The following SUCLG2 variants were observed in gnomAD, a reference collection of about 807,000 sequenced individuals.
SUCLG2 encodes the protein succinate--CoA ligase [GDP-forming] subunit beta, mitochondrial.
A neutral mutation model predicts 47.9 loss-of-function variants in SUCLG2; 42 were observed. The observed-to-expected ratio is 0.88, with a 90% CI of 0.69 to 1.14. The LOEUF (loss-of-function observed/expected upper bound fraction) is 1.14. Ranked by LOEUF, SUCLG2 falls within the 50% of genes most tolerant of loss-of-function variation. The pLI is 0.00. For synonymous variants in SUCLG2, 195 were observed against 197.3 expected (o/e 0.99, Z 0.10); for missense variants, 571 against 525.9 (o/e 1.09, Z -0.84).
intron 6 of SUCLG2, among the ~76,000 whole-genome samples, chr3:67,509,206 A>G (rs1415954423): frequency 6.6e-6 from 1 of 152,238 alleles, no homozygotes; most frequent in Non-Finnish European, 1.5e-5. Flanking sequence ...GTTATGCTGC[A>G]ATATAAATTA....
intron 7 of SUCLG2, among the ~76,000 whole-genome samples, chr3:67,502,109 A>T (rs1190857953): frequency 3.3e-5 from 5 of 151,458 alleles, no homozygotes; most frequent in Non-Finnish European, 7.4e-5. Flanking sequence ...GATAAGACTG[A>T]CCCCTTAACC....
At chr3:67,606,201 T>C (rs1306242150) in intron 2 of SUCLG2, among the ~76,000 whole-genome samples, 1 of 152,120 alleles carries the variant, frequency 6.6e-6, no homozygotes. Context: ...TGAGACCCTG[T>C]CTCTAAAAGA....
At chr3:67,429,152 G>GA (rs1194196503) in intron 9 of SUCLG2, among the ~76,000 whole-genome samples, 1 of 152,122 alleles carries the variant, frequency 6.6e-6, no homozygotes, top group African/African-American at 2.4e-5. Context: ...ATAATTATCA[G>GA]ATTCACCAAA....
At chr3:67,581,025 T>C (rs1707866042) in intron 2 of SUCLG2, among the ~76,000 whole-genome samples, 1 of 152,190 alleles carries the variant, frequency 6.6e-6, no homozygotes, top group Non-Finnish European at 1.5e-5. Flanking sequence ...GGATCCTCCC[T>C]CTCTGGTACC....
At chr3:67,400,997 C>A in intron 9 of SUCLG2, 146 bp from the exon 10 acceptor site, 2 of 1,146,890 alleles carry the variant, frequency 1.7e-6, no homozygotes, top group Non-Finnish European at 2.4e-6. Flanking sequence ...CAAAAATGGC[C>A]CAGAACATGT....
chr3:67,625,864 A>G (rs1700816923), intron 1 of SUCLG2, among the ~76,000 whole-genome samples: 2 of 151,802 alleles, frequency 1.3e-5, no homozygotes, highest in Non-Finnish European at 2.9e-5. Flanking sequence ...CCAAGCTGCT[A>G]TATTCATAGC....
At chr3:67,446,931 T>C (rs1333413822) in intron 9 of SUCLG2, among the ~76,000 whole-genome samples, 1 of 152,216 alleles carries the variant, frequency 6.6e-6, no homozygotes, top group African/African-American at 2.4e-5. Flanking sequence ...CTTAATAAGA[T>C]GCAAATTTTT....
intron 2 of SUCLG2, among the ~76,000 whole-genome samples, chr3:67,579,363 T>C (rs938095403): frequency 3.9e-5 from 6 of 152,324 alleles, no homozygotes; most frequent in African/African-American, 1.2e-4. Flanking sequence ...CAAGTGCTCA[T>C]AGAGCTTTGT....
intron 10 of SUCLG2, among the ~76,000 whole-genome samples, chr3:67,394,046 A>G (rs1384193275): frequency 6.6e-6 from 1 of 152,178 alleles, no homozygotes; most frequent in African/African-American, 2.4e-5. Flanking sequence ...AAAGACAAAA[A>G]GTAGATAAAA....
chr3:67,369,056 T>C (rs141858291), intron 10 of SUCLG2, among the ~76,000 whole-genome samples: 19 of 152,288 alleles, frequency 1.2e-4, no homozygotes, highest in African/African-American at 4.6e-4. Context: ...CATTGCAATA[T>C]ATTTAGGATT....
intron 9 of SUCLG2, chr3:67,408,660 TA>T (rs1187885622): frequency 8.2e-6 from 9 of 1,103,134 alleles, no homozygotes; most frequent in Non-Finnish European, 9.9e-6. Context: ...CTCTTCTTCC[TA>T]AATTCTTCAC....
chr3:67,596,844 T>A (rs969262852), intron 2 of SUCLG2, among the ~76,000 whole-genome samples: 1 of 152,204 alleles, frequency 6.6e-6, no homozygotes, highest in African/African-American at 2.4e-5. Flanking sequence ...TGTCTAATAC[T>A]GAGCAATACT....
chr3:67,448,346 T>C (rs1316366710), intron 9 of SUCLG2, among the ~76,000 whole-genome samples: 1 of 152,214 alleles, frequency 6.6e-6, no homozygotes, highest in Non-Finnish European at 1.5e-5. Context: ...GGTCCATTTA[T>C]TTAAAGAACA....
chr3:67,570,312 T>C (rs1285607788), intron 2 of SUCLG2, among the ~76,000 whole-genome samples: 1 of 152,226 alleles, frequency 6.6e-6, no homozygotes, highest in Non-Finnish European at 1.5e-5. Context: ...CTCCCTGAAT[T>C]GCCAGTCCTG....
chr3:67,647,725 C>T (rs551470288), intron 1 of SUCLG2, among the ~76,000 whole-genome samples: 1 of 152,178 alleles, frequency 6.6e-6, no homozygotes, highest in Non-Finnish European at 1.5e-5. Flanking sequence ...AGCTCCTCCC[C>T]ACTGCCACCT....
intron 9 of SUCLG2, among the ~76,000 whole-genome samples, chr3:67,494,852 A>T (rs1313352800): frequency 6.6e-6 from 1 of 152,144 alleles, no homozygotes; most frequent in African/African-American, 2.4e-5. Flanking sequence ...TTACTAAACT[A>T]GCTGATTAAA....
chr3:67,380,087 T>C (rs1373156321), intron 10 of SUCLG2, among the ~76,000 whole-genome samples: 2 of 151,862 alleles, frequency 1.3e-5, no homozygotes, highest in African/African-American at 4.8e-5. Flanking sequence ...TTTTGATAGA[T>C]CTCCTTGCTG....
chr3:67,427,704 C>A lies in SUCLG2; in HGVS notation c.1063-26853G>T, dbSNP rs1470429665. On this transcript the variant is annotated intron_variant, in intron 9 of 10. Coordinates refer to ENST00000307227, the MANE Select transcript of SUCLG2 (RefSeq NM_003848.4). ...AGAAGCACAAAGGGTCAGGGAATTC[C>A]CTTTCCTAGCCAAGAGAAGCCCTGA... is the stretch of plus-strand genomic sequence containing the variant. Among the ~76,000 whole-genome samples, 3 of 152,176 alleles carry A rather than the reference C, an allele frequency of 2.0e-5. No individual in the cohort carries two copies. In the East Asian group the frequency reaches 5.8e-4, roughly 29 times the overall value.
At chr3:67,413,763 G>A (rs1421627659) in intron 9 of SUCLG2, among the ~76,000 whole-genome samples, 2 of 152,162 alleles carry the variant, frequency 1.3e-5, no homozygotes, top group Non-Finnish European at 2.9e-5. Context: ...AGTCCACAAC[G>A]TAGACAAGCA....
Sources: allele counts gnomAD v4.1 joint callset (sites outside exome capture counted in the v4.1 genomes callset), GRCh38; gene constraint gnomAD v4.1.1; transcripts MANE v1.5; gene names NCBI Gene and HGNC (gene_info 2026-07-23, HGNC 2026-07-21).